The following FPR1 variants were observed in gnomAD, a reference collection of about 807,000 sequenced individuals.
FPR1 encodes the protein formyl peptide receptor 1.
For synonymous variants in FPR1, 193 were observed against 176.7 expected (o/e 1.09, Z -0.73); for missense variants, 407 against 453.0 (o/e 0.90, Z 0.92).
In FPR1 at chr19:51,746,695, G is replaced by A. The variant is rs199764870; in HGVS notation, c.300C>T (p.Phe100=). The A allele has an allele frequency of 2.7e-5, 43 of 1,614,154 alleles. No individual in the cohort carries two copies. The highest frequency in any genetic ancestry group is 1.6e-4 in the Middle Eastern group (1 of 6,062). ...HWPFGWFLCK[F]VFTIVDINLF... ...AGTTGATGTCCACTATGGTAAAGAC[G>A]AATTTGCACAGGAACCAGCCGAAAG... is the stretch of plus-strand genomic sequence containing the variant. The change falls in exon 2 of 2, where the codon TTC becomes TTT. Residue 100 remains phenylalanine, a synonymous_variant. Coordinates refer to ENST00000304748, the MANE Select transcript of FPR1 (RefSeq NM_002029.4). This position sits in a 1 kb window ranked among gnomAD's most constrained non-coding sequence, Gnocchi z 4.3.
Position 51,745,907 on chromosome 19 carries a change from A to C in FPR1, c.*35T>G. On this transcript the variant is annotated 3_prime_UTR_variant, in exon 2 of 2. Transcript: ENST00000304748. ...CTAACTCAAGGTGAGACGAAGCTGGAGCTGGGAGCTCGAAAGTGTCCCCCA... is the reference window on the plus strand; with the variant it reads ...CTAACTCAAGGTGAGACGAAGCTGGCGCTGGGAGCTCGAAAGTGTCCCCCA... 1 of 1,564,898 alleles carries C rather than the reference A, an allele frequency of 6.4e-7. No homozygotes were observed. Among genetic ancestry groups the C allele is most frequent in the East Asian group, 2.3e-5 (1 of 44,216 alleles).
Position 51,746,021 on chromosome 19 carries a change from G to A in FPR1, c.974C>T (p.Thr325Ile). ...ALPASLERAL[T>I]EDSTQTSDTA... ...GTCACTGGTTTGGGTTGAGTCCTCGGTCAGGGCCCTCTCCAGACTGGCGGG... is the reference window on the plus strand; with the variant it reads ...GTCACTGGTTTGGGTTGAGTCCTCGATCAGGGCCCTCTCCAGACTGGCGGG... Residue 325 changes from threonine (T) to isoleucine (I), a missense_variant, in exon 2 of 2, where the codon ACC becomes ATC. By Grantham distance (89) the Thr-to-Ile change is moderately conservative (BLOSUM62 -1). Transcript: ENST00000304748. This position sits in a 1 kb window ranked among gnomAD's most constrained non-coding sequence, Gnocchi z 4.3. The A allele has an allele frequency of 2.5e-6, 4 of 1,614,164 alleles. No individual in the cohort carries two copies. The highest frequency in any genetic ancestry group is 3.4e-6 in the Non-Finnish European group (4 of 1,180,022).
rs1305952795 is a variant in FPR1 at position 51,746,887 on chromosome 19, G to A, written c.108C>T (p.Thr36=). 1.9e-6 allele frequency: 3 copies of A among 1,614,110 alleles called. No individual in the cohort carries two copies. The South Asian group carries it at 3.3e-5, about 18-fold the overall frequency. ...DIITYLVFAV[T]FVLGVLGNGL... is the part of the protein sequence containing the mutation. ...CGTTGCCCAGGACCCCGAGGACAAA[G>A]GTGACTGCAAATACCAGATAAGTGA... The change falls in exon 2 of 2, where the codon ACC becomes ACT. Residue 36 remains threonine, a synonymous_variant. Transcript: ENST00000304748. This position sits in a 1 kb window ranked among gnomAD's most constrained non-coding sequence, Gnocchi z 4.3.
intron 1 of FPR1, among the ~76,000 whole-genome samples, chr19:51,751,214 T>G (rs1442077644): frequency 6.6e-6 from 1 of 152,092 alleles, no homozygotes; most frequent in Non-Finnish European, 1.5e-5. Flanking sequence ...AACAAGTGTT[T>G]CCATCCAAGA....
intron 1 of FPR1, among the ~76,000 whole-genome samples, chr19:51,748,527 C>CT (rs1468465325): frequency 1.3e-5 from 2 of 152,226 alleles, no homozygotes; most frequent in African/African-American, 4.8e-5. Flanking sequence ...GTGGTGCGAT[C>CT]TTGGCTCACT....
intron 1 of FPR1, among the ~76,000 whole-genome samples, chr19:51,748,817 A>G (rs984485683): frequency 2.0e-5 from 3 of 152,248 alleles, no homozygotes; most frequent in African/African-American, 4.8e-5. Flanking sequence ...AAATAAGAGC[A>G]TAAGATATCA....
chr19:51,750,617 T>C (rs558298806), intron 1 of FPR1: 51 of 152,300 alleles, frequency 3.3e-4, no homozygotes, highest in African/African-American at 1.2e-3. Context: ...ATTGTTGCAA[T>C]GAATGATGAG....
At position 51,746,829 on chromosome 19, in the gene FPR1, T is replaced by C. The variant is rs748109117; in HGVS notation, c.166A>G (p.Thr56Ala). ...TAACTGATGGTGGTGACTGTGTGTG[T>C]CATCCGGAATCCAGCCACCCAGATC... is the stretch of plus-strand genomic sequence containing the variant. The part of the protein sequence containing the change: ...LVIWVAGFRM[T>A]HTVTTISYLN... Residue 56 changes from threonine (T) to alanine (A), a missense_variant, in exon 2 of 2, where the codon ACA (threonine) becomes GCA (alanine). Thr to Ala is a moderately conservative substitution (Grantham distance 58). Transcript: ENST00000304748. This position sits in a 1 kb window ranked among gnomAD's most constrained non-coding sequence, Gnocchi z 4.3. 1.2e-6 allele frequency: 2 copies of C among 1,614,140 alleles called. No individual in the cohort carries two copies. The highest frequency in any genetic ancestry group is 1.7e-6 in the Non-Finnish European group (2 of 1,180,012).
At chr19:51,745,693 T>A (rs2083737851), downstream of FPR1, 3 of 464,966 alleles carry the variant, frequency 6.5e-6, no homozygotes. Context: ...CAAACTAGGA[T>A]GCAGATGACA....
intron 1 of FPR1, chr19:51,750,568 C>T (rs1258280379): frequency 6.6e-6 from 1 of 152,144 alleles, no homozygotes; most frequent in East Asian, 1.9e-4. Flanking sequence ...CCTGAGGACT[C>T]TTTGTCCTCA....
At position 51,746,725 on chromosome 19, in the gene FPR1, A is replaced by G. The variant is rs376354678; in HGVS notation, c.270T>C (p.His90=). Residue 90 remains histidine (H), a synonymous_variant, in exon 2 of 2, where the codon CAT becomes CAC. Transcript: ENST00000304748. This position sits in a 1 kb window ranked among gnomAD's most constrained non-coding sequence, Gnocchi z 4.3. The part of the protein sequence containing the change: ...FFMVRKAMGG[H]WPFGWFLCKF... Reference sequence around the variant, plus strand: ...TGCACAGGAACCAGCCGAAAGGCCAATGTCCTCCCATGGCCTTCCTGACCA... The same window carrying G: ...TGCACAGGAACCAGCCGAAAGGCCAGTGTCCTCCCATGGCCTTCCTGACCA... 26 of 1,614,044 alleles carry G rather than the reference A, an allele frequency of 1.6e-5. No individual in the cohort carries two copies. In the East Asian group the frequency reaches 2.7e-4, roughly 17 times the overall value.
chr19:51,746,365 G>A lies in FPR1; in HGVS notation c.630C>T (p.Phe210=), dbSNP rs1223282675. The change falls in exon 2 of 2, where the codon TTC becomes TTT. Residue 210 remains phenylalanine (F), a synonymous_variant. Coordinates refer to ENST00000304748, the MANE Select transcript of FPR1 (RefSeq NM_002029.4). This position sits in a 1 kb window ranked among gnomAD's most constrained non-coding sequence, Gnocchi z 4.3. ...VRGIIRFIIG[F]SAPMSIVAVS... ...CAGCAACGATGGACATGGGTGCGCT[G>A]AAGCCAATGATGAACCGGATGATGC... is the stretch of plus-strand genomic sequence containing the variant. 1.2e-6 allele frequency: 2 copies of A among 1,614,218 alleles called. No individual in the cohort carries two copies. The highest frequency in any genetic ancestry group is 8.5e-7 in the Non-Finnish European group (1 of 1,180,042).
chr19:51,747,036 G>T (rs2083752711), intron 1 of FPR1, 31 bp from the exon 2 acceptor site: 1 of 1,474,506 alleles, frequency 6.8e-7, no homozygotes, highest in Non-Finnish European at 9.3e-7. Flanking sequence ...TCATTCCTCA[G>T]TTATGAACCT....
At chr19:51,745,632 A>C, downstream of FPR1, 1 of 297,194 alleles carries the variant, frequency 3.4e-6, no homozygotes. Flanking sequence ...ATCATTCACT[A>C]CTCATAATTC....
intron 1 of FPR1, among the ~76,000 whole-genome samples, chr19:51,751,227 T>G (rs1017922318): frequency 6.6e-6 from 1 of 152,028 alleles, no homozygotes; most frequent in African/African-American, 2.4e-5. Flanking sequence ...ATCCAAGAAT[T>G]ACCCTCTACT....
rs952836159 is a variant in FPR1 at position 51,746,697 on chromosome 19, A to G, written c.298T>C (p.Phe100Leu). ...TTGATGTCCACTATGGTAAAGACGA[A>G]TTTGCACAGGAACCAGCCGAAAGGC... ...HWPFGWFLCK[F>L]VFTIVDINLF... The change falls in exon 2 of 2, where the codon TTC becomes CTC. Residue 100 changes from phenylalanine (F) to leucine (L), a missense_variant. By Grantham distance (22) the Phe-to-Leu change is conservative. Coordinates refer to ENST00000304748, the MANE Select transcript of FPR1 (RefSeq NM_002029.4). The surrounding 1 kb of genome is among the most constrained non-coding windows in gnomAD (Gnocchi z 4.3). 25 of 1,614,068 alleles carry G rather than the reference A, an allele frequency of 1.5e-5. No homozygotes were observed. Among genetic ancestry groups the G allele is most frequent in the Non-Finnish European group, 2.0e-5 (24 of 1,180,038 alleles).
chr19:51,747,808 T>C (rs879839445), intron 1 of FPR1, among the ~76,000 whole-genome samples: 2 of 152,152 alleles, frequency 1.3e-5, no homozygotes, highest in Non-Finnish European at 2.9e-5. Flanking sequence ...AGCACTGATA[T>C]ATGCTACAAC....
chr19:51,749,592 G>A (rs910500250), intron 1 of FPR1, among the ~76,000 whole-genome samples: 6 of 152,136 alleles, frequency 3.9e-5, no homozygotes, highest in African/African-American at 1.4e-4. Context: ...CATTAGATCA[G>A]GTATGCAAAG....
intron 1 of FPR1, among the ~76,000 whole-genome samples, chr19:51,747,962 G>T (rs1304366835): frequency 6.6e-6 from 1 of 152,010 alleles, no homozygotes; most frequent in Non-Finnish European, 1.5e-5. Context: ...CACATAGCAA[G>T]ATCCTCATCT....
Sources: allele counts gnomAD v4.1 joint callset (sites outside exome capture counted in the v4.1 genomes callset), GRCh38; gene constraint gnomAD v4.1.1; non-coding constraint Gnocchi (gnomAD v3.1); transcripts MANE v1.5; gene names NCBI Gene and HGNC (gene_info 2026-07-23, HGNC 2026-07-21).